Variants in ZC3H3 observed in about 807,000 individuals in gnomAD.
ZC3H3 encodes the protein zinc finger CCCH-type containing 3.
Under a neutral mutation model 77.3 loss-of-function variants are expected in ZC3H3, and 36 were observed. That is an observed-to-expected ratio of 0.47 (90% confidence interval 0.36 to 0.61). The LOEUF (loss-of-function observed/expected upper bound fraction) is 0.61, where lower values mean the gene tolerates loss of function less well. ZC3H3 is among the 20% of genes least tolerant of loss of function. The pLI, the probability that ZC3H3 is intolerant of heterozygous loss-of-function variation, is 0.00. For missense variants in ZC3H3, 1,331 were observed against 1,312.2 expected, an observed-to-expected ratio of 1.01 and a Z score of -0.22; for synonymous variants, 626 against 555.2, an observed-to-expected ratio of 1.13 and a Z score of -1.79.
Position 143,495,949 on chromosome 8 carries a change from T to C in ZC3H3, c.1715+11797A>G, listed in dbSNP as rs565706940. Among the ~76,000 whole-genome samples, 20 of 152,194 alleles carry C rather than the reference T, an allele frequency of 1.3e-4. No homozygotes were observed. In the South Asian group the frequency reaches 4.2e-3, roughly 32 times the overall value. On this transcript the variant is annotated intron_variant, in intron 4 of 11. Coordinates refer to ENST00000262577, the MANE Select transcript of ZC3H3 (RefSeq NM_015117.3). Reference sequence around the variant, plus strand: ...ACTGTTAGATTTATGCCTCCCACTATACGTAAATTCTACCTAGAAAAGAAC... The same window carrying C: ...ACTGTTAGATTTATGCCTCCCACTACACGTAAATTCTACCTAGAAAAGAAC...
At position 143,465,702 on chromosome 8, in the gene ZC3H3, C is replaced by T; in HGVS notation, c.2307+15G>A. On this transcript the variant is annotated intron_variant, in intron 9 of 11. Transcript: ENST00000262577. ...ACAGGAACCCCGCCCACTCGGGCCC[C>T]CACAGACCACTCACCTTTGCACCCA... is the stretch of plus-strand genomic sequence containing the variant. 1.2e-6 allele frequency: 2 copies of T among 1,613,386 alleles called. No homozygotes were observed. The highest frequency in any genetic ancestry group is 1.7e-6 in the Non-Finnish European group (2 of 1,179,836).
Position 143,496,129 on chromosome 8 carries a change from G to A in ZC3H3, c.1715+11617C>T, listed in dbSNP as rs995034345. Among the ~76,000 whole-genome samples, 11 of 152,304 alleles carry A rather than the reference G, an allele frequency of 7.2e-5. No homozygotes were observed. In the East Asian group the frequency reaches 9.6e-4, roughly 13 times the overall value. ...GTGGCTGGAGAAGAGTCAGGAACAC[G>A]GAATGAGGGCAGGCTGAGTAAACCA... On this transcript the variant is annotated intron_variant, in intron 4 of 11. Coordinates refer to ENST00000262577, the MANE Select transcript of ZC3H3 (RefSeq NM_015117.3).
rs1820301435 is a variant in ZC3H3 at position 143,462,835 on chromosome 8, G to A, written c.2307+2882C>T. 6.6e-6 allele frequency among the ~76,000 whole-genome samples: 1 copy of A among 152,194 alleles called. No individual in the cohort carries two copies. Among genetic ancestry groups the A allele is most frequent in the African/African-American group, 2.4e-5 (1 of 41,446 alleles). ...CGATGCTCCCCAGCCCTGTGCACTG[G>A]GGGCGCTGGCAGCAGCCAACACCCT... On this transcript the variant is annotated intron_variant, in intron 9 of 11. Transcript: ENST00000262577. This position sits in a 1 kb window ranked among gnomAD's most constrained non-coding sequence, Gnocchi z 4.7.
rs764712820 is a variant in ZC3H3 at position 143,440,945 on chromosome 8, T to G, written c.2483A>C (p.His828Pro). 1 of 1,428,220 alleles carries G rather than the reference T, an allele frequency of 7.0e-7. No homozygotes were observed. The highest frequency in any genetic ancestry group is 2.8e-5 in the East Asian group (1 of 36,144). 88.5% of individuals were successfully genotyped at this position (1,428,220 alleles called of 1,614,324 possible). ...CCCACTGCCCCATCACCTGGGCCCG[T>G]GGCTGGCCGAGACCCTGCTCCTGGC... Reference protein sequence around the residue: ...ATARSRVSASHGPRKPSASQR... With the variant: ...ATARSRVSASPGPRKPSASQR... Residue 828 changes from histidine (H) to proline (P), a missense_variant, in exon 10 of 12, where the codon CAC becomes CCC. Transcript: ENST00000262577.
In ZC3H3 at chr8:143,441,079, G is replaced by T; in HGVS notation, c.2349C>A (p.Arg783=). 1 of 1,469,568 alleles carries T rather than the reference G, an allele frequency of 6.8e-7. No individual in the cohort carries two copies. The highest frequency in any genetic ancestry group is 8.9e-7 in the Non-Finnish European group (1 of 1,121,828). 91.0% of individuals were successfully genotyped at this position (1,469,568 alleles called of 1,614,324 possible). ...GGGCGCCGCGGGGACACGCCCCCCT[G>T]CGGGCAAAGTCGGGGCACAGCAGCG... is the stretch of plus-strand genomic sequence containing the variant. ...KHTLLCPDFA[R]RGACPRGAQC... is the part of the protein sequence containing the mutation. Residue 783 remains arginine, a synonymous_variant, in exon 10 of 12, where the codon CGC becomes CGA. Transcript: ENST00000262577.
intron 4 of ZC3H3, among the ~76,000 whole-genome samples, chr8:143,492,219 G>C (rs1383211739): frequency 2.0e-5 from 3 of 152,168 alleles, no homozygotes; most frequent in Admixed American, 1.3e-4. Flanking sequence ...GGGGAGGAGT[G>C]TGCTGGCCTT....
chr8:143,440,391 G>C (rs747353872), intron 10 of ZC3H3, 28 bp from the exon 11 acceptor site: 86 of 1,501,110 alleles, frequency 5.7e-5, no homozygotes, highest in Non-Finnish European at 7.4e-5. Context: ...GCAGACGTGT[G>C]AGGTGGGGTG....
chr8:143,515,932 G>A (rs1302994399), intron 3 of ZC3H3, among the ~76,000 whole-genome samples: 1 of 152,234 alleles, frequency 6.6e-6, no homozygotes. Flanking sequence ...GCCAGCCCCA[G>A]GGGTTACCCA....
At chr8:143,456,244 AG>A (rs1373428827) in intron 9 of ZC3H3, among the ~76,000 whole-genome samples, 15 of 152,198 alleles carry the variant, frequency 9.9e-5, no homozygotes, top group African/African-American at 3.4e-4. Context: ...GAAAACCCAC[AG>A]GGAAAAAAAG....
intron 3 of ZC3H3, chr8:143,523,613 C>T (rs919924424): frequency 1.2e-5 from 11 of 882,522 alleles, no homozygotes; most frequent in South Asian, 5.2e-5. Context: ...CGTTTGAGGA[C>T]CCCTGTCCTC....
At chr8:143,521,408 C>A (rs1822238742) in intron 3 of ZC3H3, among the ~76,000 whole-genome samples, 1 of 103,676 alleles carries the variant, frequency 9.6e-6, no homozygotes, top group African/African-American at 2.9e-5. Context: ...CATGGGCAGC[C>A]CCTGCCCCCA....
At chr8:143,486,095 C>T (rs1398363077) in intron 4 of ZC3H3, among the ~76,000 whole-genome samples, 2 of 152,258 alleles carry the variant, frequency 1.3e-5, no homozygotes, top group Non-Finnish European at 2.9e-5. Context: ...GAGACACACC[C>T]AAGACAGCAG....
Position 143,460,249 on chromosome 8 carries a change from AAAAT to A in ZC3H3, c.2307+5464_2307+5467del, listed in dbSNP as rs539928786. ...GGCGACAGAGTGAGACTATGTCTCA[AAAAT>A]AAATAAATAAATAAATAAATAAATA... On this transcript the variant is annotated intron_variant, in intron 9 of 11. Transcript: ENST00000262577. The surrounding 1 kb of genome is among the most constrained non-coding windows in gnomAD (Gnocchi z 4.0). Among the ~76,000 whole-genome samples, 4,186 of 144,198 alleles carry A rather than the reference AAAAT, an allele frequency of 0.029. 104 individuals are homozygous for A. The highest frequency in any genetic ancestry group is 0.065 in the African/African-American group (2,561 of 39,680). The allele number at this position is 144,198 out of a possible 152,430, so 94.6% of individuals were successfully genotyped here. A position where few individuals can be genotyped will look rare whatever the true frequency, so the allele number is the denominator to read the frequency against.
chr8:143,444,660 C>A lies in ZC3H3; in HGVS notation c.2308-3540G>T, dbSNP rs1819822938. On this transcript the variant is annotated intron_variant, in intron 9 of 11. Transcript: ENST00000262577. ...TATGAAATAAGTATTTAATAAAATT[C>A]AACAGTTTTTTAAAAAGAAACATTT... 2.6e-5 allele frequency among the ~76,000 whole-genome samples: 4 copies of A among 152,114 alleles called. No individual in the cohort carries two copies. In the South Asian group the frequency reaches 6.2e-4, roughly 24 times the overall value.
chr8:143,513,318 CA>C (rs1413071231), intron 3 of ZC3H3, among the ~76,000 whole-genome samples: 1 of 152,154 alleles, frequency 6.6e-6, no homozygotes, highest in African/African-American at 2.4e-5. Flanking sequence ...GGCAGGGGAG[CA>C]GGGGGAGCCC....
chr8:143,525,971 G>A (rs999982845), intron 3 of ZC3H3, among the ~76,000 whole-genome samples: 3 of 152,228 alleles, frequency 2.0e-5, no homozygotes, highest in Non-Finnish European at 4.4e-5. Flanking sequence ...CAGCGGCATC[G>A]GCCTGCGGCT....
chr8:143,514,655 C>T (rs892393608), intron 3 of ZC3H3, among the ~76,000 whole-genome samples: 3 of 152,198 alleles, frequency 2.0e-5, no homozygotes, highest in Non-Finnish European at 4.4e-5. Flanking sequence ...CCCCCTCAGG[C>T]CCTCGAGTTT....
chr8:143,535,145 TCTC>T (rs1181970493), intron 3 of ZC3H3, among the ~76,000 whole-genome samples: 2 of 151,802 alleles, frequency 1.3e-5, no homozygotes, highest in African/African-American at 4.8e-5. Context: ...CTCAAGCAAT[TCTC>T]CTCCCTCAGC....
At chr8:143,508,210 G>A (rs1821766462) in intron 3 of ZC3H3, among the ~76,000 whole-genome samples, 1 of 152,248 alleles carries the variant, frequency 6.6e-6, no homozygotes, top group Admixed American at 6.5e-5. Flanking sequence ...GGGTCTGGCA[G>A]CCGGGGATGC....
Sources: allele counts gnomAD v4.1 joint callset (sites outside exome capture counted in the v4.1 genomes callset), GRCh38; gene constraint gnomAD v4.1.1; non-coding constraint Gnocchi (gnomAD v3.1); transcripts MANE v1.5; gene names NCBI Gene and HGNC (gene_info 2026-07-23, HGNC 2026-07-21).